Variants in RWDD1 observed in about 807,000 individuals in gnomAD.
RWDD1 encodes the protein RWD domain-containing protein 1.
In RWDD1, 17 loss-of-function variants were observed where a neutral mutation model predicts 31.6. The ratio of observed to expected loss-of-function variants is 0.54; its 90% CI spans 0.37 to 0.81. The LOEUF (loss-of-function observed/expected upper bound fraction) is 0.81, where lower values mean the gene tolerates loss of function less well. Ranked by LOEUF, RWDD1 falls within the 30% of genes least tolerant of loss-of-function variation. RWDD1 has a pLI of 0.00. For synonymous variants in RWDD1, 78 were observed against 94.2 expected (o/e 0.83, Z 0.99); for missense variants, 204 against 274.5 (o/e 0.74, Z 1.82).
At chr6:116,575,488 G>A (rs532038319) in intron 1 of RWDD1, among the ~76,000 whole-genome samples, 5 of 152,256 alleles carry the variant, frequency 3.3e-5, no homozygotes, top group African/African-American at 1.2e-4. Flanking sequence ...GCATGGTAAT[G>A]GGATTAGTCC....
intron 1 of RWDD1, among the ~76,000 whole-genome samples, chr6:116,575,201 C>T (rs2115322915): frequency 6.6e-6 from 1 of 152,030 alleles, no homozygotes; most frequent in East Asian, 1.9e-4. Flanking sequence ...ATTCTCCTGC[C>T]TCACCTTCCC....
intron 2 of RWDD1, among the ~76,000 whole-genome samples, chr6:116,580,598 GTAATAT>G (rs1054765556): frequency 2.0e-5 from 3 of 152,058 alleles, no homozygotes; most frequent in Admixed American, 6.6e-5. Flanking sequence ...AAGTGAAATA[GTAATAT>G]TAATAATACA....
At chr6:116,592,693 T>C (rs993960763) in intron 6 of RWDD1, among the ~76,000 whole-genome samples, 2 of 152,232 alleles carry the variant, frequency 1.3e-5, no homozygotes, top group Non-Finnish European at 2.9e-5. Context: ...GGAGAACATA[T>C]TATCCTTGTC....
chr6:116,580,758 G>C (rs1017742485), intron 2 of RWDD1, among the ~76,000 whole-genome samples: 1 of 152,098 alleles, frequency 6.6e-6, no homozygotes, highest in South Asian at 2.1e-4. Context: ...ATTGTTCACT[G>C]GACATTTGGT....
intron 1 of RWDD1, among the ~76,000 whole-genome samples, chr6:116,575,061 C>G (rs1407675225): frequency 2.0e-5 from 3 of 151,924 alleles, no homozygotes; most frequent in Non-Finnish European, 4.4e-5. Context: ...TGAGCCATTG[C>G]ACCTGGCCCA....
chr6:116,592,952 T>A, intron 6 of RWDD1, 28 bp from the exon 7 acceptor site: 1 of 1,499,912 alleles, frequency 6.7e-7, no homozygotes, highest in Non-Finnish European at 9.1e-7. Context: ...AAAGGAGATT[T>A]TTTTTTTTTT....
chr6:116,590,951 G>GT lies in RWDD1; in HGVS notation c.610+2dup. The GT allele has an allele frequency of 3.2e-6, 5 of 1,576,274 alleles. No homozygotes were observed. The highest frequency in any genetic ancestry group is 4.3e-6 in the Non-Finnish European group (5 of 1,168,658). ...TCTGATATCCAGTTCTTGGAGGATG[G>GT]TAAGATAATAGTAGAATTCCACATG... On this transcript the variant is annotated splice_donor_variant, in intron 6 of 6. Coordinates refer to ENST00000466444, the MANE Select transcript of RWDD1 (RefSeq NM_015952.4). LOFTEE classifies it high-confidence loss of function.
At position 116,571,580 on chromosome 6, in the gene RWDD1, A is replaced by G. The variant is rs1186938633; in HGVS notation, c.-3A>G. ...CGATCTATGGGCAAGAGCAAGGGCC[A>G]CGATGACAGATTACGGCGAGGAGCA... is the stretch of plus-strand genomic sequence containing the variant. On this transcript the variant is annotated 5_prime_UTR_variant, in exon 1 of 7. Coordinates refer to ENST00000466444, the MANE Select transcript of RWDD1 (RefSeq NM_015952.4). The G allele has an allele frequency of 3.1e-6, 5 of 1,613,298 alleles. No individual in the cohort carries two copies. The highest frequency in any genetic ancestry group is 2.2e-5 in the East Asian group (1 of 44,742).
intron 2 of RWDD1, among the ~76,000 whole-genome samples, chr6:116,583,568 A>G (rs1413227207): frequency 6.6e-6 from 1 of 152,018 alleles, no homozygotes; most frequent in Non-Finnish European, 1.5e-5. Context: ...TAATGATATG[A>G]GGTGATGTTA....
chr6:116,581,353 T>C (rs1774944534), intron 2 of RWDD1, among the ~76,000 whole-genome samples: 1 of 152,056 alleles, frequency 6.6e-6, no homozygotes, highest in Admixed American at 6.5e-5. Context: ...GTGGTGATGC[T>C]CATTGATAAA....
intron 3 of RWDD1, among the ~76,000 whole-genome samples, chr6:116,587,608 G>T (rs1248605863): frequency 6.6e-6 from 1 of 151,998 alleles, no homozygotes; most frequent in Non-Finnish European, 1.5e-5. Context: ...ACATTGACTA[G>T]ATCAGTTTTG....
At position 116,584,769 on chromosome 6, in the gene RWDD1, C is replaced by T; in HGVS notation, c.182C>T (p.Pro61Leu). Residue 61 changes from proline to leucine, a missense_variant, in exon 3 of 7, where the codon CCA becomes CTA. Transcript: ENST00000466444. Reference protein sequence around the residue: ...TLKFTYSEKYPDEAPLYEIFS... With the variant: ...TLKFTYSEKYLDEAPLYEIFS... ...AAGTTTACATACAGTGAAAAATACCCAGATGAAGCTCCCCTTTATGAAATA... is the reference window on the plus strand; with the variant it reads ...AAGTTTACATACAGTGAAAAATACCTAGATGAAGCTCCCCTTTATGAAATA... 3 of 1,607,844 alleles carry T rather than the reference C, an allele frequency of 1.9e-6. No homozygotes were observed. The highest frequency in any genetic ancestry group is 2.6e-6 in the Non-Finnish European group (3 of 1,174,614).
intron 1 of RWDD1, among the ~76,000 whole-genome samples, chr6:116,579,037 G>A (rs1488714618): frequency 6.6e-6 from 1 of 152,088 alleles, no homozygotes; most frequent in Non-Finnish European, 1.5e-5. Context: ...CACCACGCCT[G>A]GCTATTTTTT....
At position 116,591,989 on chromosome 6, in the gene RWDD1, G is replaced by A. The variant is rs556730404; in HGVS notation, c.611-991G>A. 2.0e-5 allele frequency among the ~76,000 whole-genome samples: 3 copies of A among 152,206 alleles called. No individual in the cohort carries two copies. In the South Asian group the frequency reaches 6.2e-4, roughly 32 times the overall value. ...TTTTGTCATTTTCACCTGGATTTTT[G>A]TGGTAGTTTCTTAAATTATTTCCCT... On this transcript the variant is annotated intron_variant, in intron 6 of 6. Transcript: ENST00000466444.
rs1325991858 is a variant in RWDD1, at chr6:116,593,205, C to T, written c.*104C>T. ...TTTTTTTCTAAGAAAAAATTATTTT[C>T]AGGAGAATATTCTTCTGATAGCTTT... is the stretch of plus-strand genomic sequence containing the variant. On this transcript the variant is annotated 3_prime_UTR_variant, in exon 7 of 7. Coordinates refer to ENST00000466444, the MANE Select transcript of RWDD1 (RefSeq NM_015952.4). 1.0e-5 allele frequency: 12 copies of T among 1,149,686 alleles called. No individual in the cohort carries two copies. The highest frequency in any genetic ancestry group is 6.3e-5 in the African/African-American group (4 of 62,996). 71.2% of individuals were successfully genotyped at this position (1,149,686 alleles called of 1,614,324 possible). A position where few individuals can be genotyped will look rare whatever the true frequency, so the allele number is the denominator to read the frequency against.
chr6:116,590,002 A>C (rs907292881), intron 4 of RWDD1, among the ~76,000 whole-genome samples: 5 of 152,174 alleles, frequency 3.3e-5, no homozygotes, highest in African/African-American at 1.2e-4. Context: ...TTAACAATGA[A>C]TAGCTATGGT....
intron 3 of RWDD1, among the ~76,000 whole-genome samples, chr6:116,586,918 C>T (rs543437682): frequency 2.2e-4 from 34 of 152,142 alleles, no homozygotes; most frequent in Non-Finnish European, 3.7e-4. Context: ...CAGATATTTA[C>T]ACTTGGACAT....
intron 1 of RWDD1, among the ~76,000 whole-genome samples, chr6:116,577,847 A>T (rs1321555973): frequency 2.0e-5 from 3 of 152,168 alleles, no homozygotes; most frequent in Non-Finnish European, 4.4e-5. Context: ...TGCGCAACTA[A>T]ACTTTCAACT....
intron 6 of RWDD1, among the ~76,000 whole-genome samples, chr6:116,592,394 A>G (rs1301742296): frequency 3.3e-5 from 5 of 152,220 alleles, no homozygotes; most frequent in African/African-American, 1.2e-4. Flanking sequence ...TCTCCTAGAC[A>G]GAGCCAGTTA....
Sources: allele counts gnomAD v4.1 joint callset (sites outside exome capture counted in the v4.1 genomes callset), GRCh38; gene constraint gnomAD v4.1.1; transcripts MANE v1.5; gene names NCBI Gene and HGNC (gene_info 2026-07-23, HGNC 2026-07-21).